The following ANXA11 variants were observed in gnomAD, a reference collection of about 807,000 sequenced individuals.
ANXA11 encodes the protein 56 kDa autoantigen.
In ANXA11, 57 loss-of-function variants were observed where a neutral mutation model predicts 64.7. The observed-to-expected ratio is 0.88, with a 90% CI of 0.71 to 1.10. ANXA11 has a LOEUF of 1.10. Among genes scored for constraint, ANXA11 ranks in the 50% least tolerant of loss-of-function variants. The probability of loss-of-function intolerance (pLI) is 0.00; values close to 1 mark genes in which losing one functional copy is unlikely to be tolerated. For synonymous variants in ANXA11, 260 were observed against 265.2 expected, an observed-to-expected ratio of 0.98 and a Z score of 0.19; for missense variants, 675 against 670.7, an observed-to-expected ratio of 1.01 and a Z score of -0.07.
At chr10:80,175,925 G>C (rs1241141598) in intron 2 of ANXA11, among the ~76,000 whole-genome samples, 182 bp downstream of exon 2, 1 of 152,148 alleles carries the variant, frequency 6.6e-6, no homozygotes, top group East Asian at 1.9e-4. Flanking sequence ...GTGGTGGTGG[G>C]TGCCTGTAAT....
intron 1 of ANXA11, chr10:80,181,329 C>A (rs1033974566): frequency 1.3e-5 from 2 of 152,070 alleles, no homozygotes; most frequent in African/African-American, 4.8e-5. Flanking sequence ...CCATGGCATG[C>A]GACTGTGGTC....
intron 1 of ANXA11, among the ~76,000 whole-genome samples, chr10:80,183,525 C>T (rs1846429603): frequency 6.6e-6 from 1 of 152,222 alleles, no homozygotes; most frequent in South Asian, 2.1e-4. Flanking sequence ...TAAAATACAC[C>T]AGGGACATGG....
intron 13 of ANXA11, among the ~76,000 whole-genome samples, chr10:80,158,665 T>A (rs1176564587): frequency 6.6e-6 from 1 of 152,218 alleles, no homozygotes; most frequent in African/African-American, 2.4e-5. Context: ...ACCACCATCC[T>A]GGAGCCAAGC....
chr10:80,193,074 A>G (rs1240655922), intron 1 of ANXA11, among the ~76,000 whole-genome samples: 2 of 152,250 alleles, frequency 1.3e-5, no homozygotes, highest in Non-Finnish European at 2.9e-5. Context: ...CAACCAGACC[A>G]GTTTGGAACA....
chr10:80,186,918 A>G (rs539551920), intron 1 of ANXA11, among the ~76,000 whole-genome samples: 7 of 152,232 alleles, frequency 4.6e-5, no homozygotes, highest in Non-Finnish European at 8.8e-5. Flanking sequence ...ACAGGCTCAC[A>G]TAAGAGCCAA....
Position 80,170,835 on chromosome 10 carries a change from C to A in ANXA11, c.136G>T (p.Ala46Ser). 3 of 1,514,516 alleles carry A rather than the reference C, an allele frequency of 2.0e-6. No individual in the cohort carries two copies. Among genetic ancestry groups the A allele is most frequent in the Non-Finnish European group, 2.6e-6 (3 of 1,135,278 alleles). The allele number at this position is 1,514,516 out of a possible 1,614,324, so 93.8% of individuals were successfully genotyped here. A position where few individuals can be genotyped will look rare whatever the true frequency, so the allele number is the denominator to read the frequency against. ...AGATAGTCCTGGTTGAACTGCCCCG[C>A]ATAGGTGGCCACGTTATCCAGCCCG... ...PIGLDNVATY[A>S]GQFNQDYLSG... The change falls in exon 4 of 16, where the codon GCG becomes TCG. Residue 46 changes from alanine to serine, a missense_variant. By Grantham distance (99) the Ala-to-Ser change is moderately conservative (BLOSUM62 1). Transcript: ENST00000422982.
At chr10:80,191,351 G>GCACT (rs1846767677) in intron 1 of ANXA11, among the ~76,000 whole-genome samples, 2 of 152,150 alleles carry the variant, frequency 1.3e-5, no homozygotes, top group South Asian at 4.1e-4. Context: ...TTGTGCTACT[G>GCACT]CACTCCGGCC....
At chr10:80,197,980 A>T (rs1589454592) in intron 1 of ANXA11, among the ~76,000 whole-genome samples, 1 of 151,926 alleles carries the variant, frequency 6.6e-6, no homozygotes, top group South Asian at 2.1e-4. Flanking sequence ...CCTCGATCCC[A>T]TGGGGTCTGG....
chr10:80,184,104 T>C (rs1053879568), intron 1 of ANXA11, among the ~76,000 whole-genome samples: 2 of 152,192 alleles, frequency 1.3e-5, no homozygotes, highest in African/African-American at 4.8e-5. Context: ...TCAACAATTA[T>C]CACCTCAAGG....
intron 1 of ANXA11, among the ~76,000 whole-genome samples, chr10:80,178,930 T>C (rs1846264580): frequency 6.6e-6 from 1 of 152,046 alleles, no homozygotes; most frequent in South Asian, 2.1e-4. Context: ...TAACTGGTTC[T>C]GTGGTCCACA....
Position 80,169,153 on chromosome 10 carries a change from G to GC in ANXA11, c.376dup (p.Ala126GlyfsTer71), listed in dbSNP as rs1845869686. On this transcript the variant is annotated frameshift_variant, in exon 5 of 16. Transcript: ENST00000422982. LOFTEE classifies it high-confidence loss of function. ...TGGCATGGGCTGGCCCGGCACAGGG[G>GC]CCCCTGGGTATGGCGGATATGAGGG... 6.4e-7 allele frequency: 1 copy of GC among 1,564,454 alleles called. No homozygotes were observed. The highest frequency in any genetic ancestry group is 2.2e-5 in the East Asian group (1 of 44,506).
chr10:80,158,998 C>G, intron 13 of ANXA11, 102 bp downstream of exon 13: 2 of 842,684 alleles, frequency 2.4e-6, no homozygotes, highest in Non-Finnish European at 4.0e-6. Context: ...TCCTGTGGTC[C>G]CTTCACGGTG....
Position 80,169,208 on chromosome 10 carries a change from G to A in ANXA11, c.322C>T (p.Pro108Ser), listed in dbSNP as rs553424505. 519 of 1,609,952 alleles carry A rather than the reference G, an allele frequency of 3.2e-4. 8 individuals carry two copies. The South Asian group carries it at 5.4e-3, about 17-fold the overall frequency. The change falls in exon 5 of 16, where the codon CCC (proline) becomes TCC (serine). Residue 108 changes from proline (P) to serine (S), a missense_variant. Pro to Ser is a moderately conservative substitution (Grantham distance 74). Transcript: ENST00000422982. The stretch of plus-strand genomic sequence containing the variant: ...CTGGAGGGTGGGTTTCCTCCTGGGG[G>A]TGGATACATCCCATAGGGAGGAACA... ...QPVPPYGMYPPPGGNPPSRMP... is the reference protein window; with the variant it reads ...QPVPPYGMYPSPGGNPPSRMP...
Position 80,184,340 on chromosome 10 carries a change from T to A in ANXA11, c.-57-8185A>T, listed in dbSNP as rs78720548. On this transcript the variant is annotated intron_variant, in intron 1 of 15. Coordinates refer to ENST00000422982, the MANE Select transcript of ANXA11 (RefSeq NM_145868.2). ...GCTGGCAACACAGCAGTCCCCAACT[T>A]ATGATGGTTCGACTTATGATTTTTC... Among the ~76,000 whole-genome samples the A allele has an allele frequency of 3.0e-3, 463 of 152,314 alleles. 4 individuals are homozygous for A. Among genetic ancestry groups the A allele is most frequent in the African/African-American group, 0.011 (441 of 41,554 alleles).
chr10:80,159,532 G>GT (rs1845423499), intron 12 of ANXA11, among the ~76,000 whole-genome samples: 1 of 152,148 alleles, frequency 6.6e-6, no homozygotes, highest in Admixed American at 6.5e-5. Flanking sequence ...AACAAAATGA[G>GT]TATCTGCTGC....
chr10:80,199,095 CTTTTTTT>C, intron 1 of ANXA11, among the ~76,000 whole-genome samples: 1 of 133,510 alleles, frequency 7.5e-6, no homozygotes, highest in South Asian at 2.4e-4. Context: ...TCAAGATAAA[CTTTTTTT>C]TTTTTTTTTT....
chr10:80,187,545 GCACACA>G (rs773152656), intron 1 of ANXA11, among the ~76,000 whole-genome samples: 75 of 150,624 alleles, frequency 5.0e-4, no homozygotes, highest in African/African-American at 1.3e-3. Flanking sequence ...GTGCGCGCGT[GCACACA>G]CACACACACA....
intron 13 of ANXA11, 49 bp downstream of exon 13, chr10:80,159,051 C>T (rs1360909354): frequency 1.9e-5 from 27 of 1,416,236 alleles, no homozygotes; most frequent in South Asian, 3.5e-5. Flanking sequence ...TGAACACTCA[C>T]GATACACGTT....
chr10:80,157,571 C>T (rs1845322396), intron 15 of ANXA11, 70 bp downstream of exon 15: 2 of 1,572,858 alleles, frequency 1.3e-6, no homozygotes, highest in African/African-American at 1.3e-5. Context: ...ATGGCCACTC[C>T]AAGGAGGGAG....
Sources: allele counts gnomAD v4.1 joint callset (sites outside exome capture counted in the v4.1 genomes callset), GRCh38; gene constraint gnomAD v4.1.1; transcripts MANE v1.5; gene names NCBI Gene and HGNC (gene_info 2026-07-23, HGNC 2026-07-21).